Variants in QTMAN observed in about 807,000 individuals in gnomAD.
The protein encoded by QTMAN is tRNA-queuosine alpha-mannosyltransferase.
the QTMAN span, among the ~76,000 whole-genome samples, chr2:144,108,382 G>C: frequency 1.3e-5 from 2 of 152,200 alleles, no homozygotes; most frequent in South Asian, 4.1e-4. Flanking sequence ...GCTCATGCCT[G>C]TAATCCCAGC....
chr2:144,300,717 T>C, the QTMAN span, among the ~76,000 whole-genome samples: 3 of 152,086 alleles, frequency 2.0e-5, no homozygotes, highest in African/African-American at 4.8e-5. Flanking sequence ...CAAGGTAATA[T>C]GCCAAACACA....
the QTMAN span, among the ~76,000 whole-genome samples, chr2:143,964,540 T>G: frequency 6.6e-6 from 1 of 152,178 alleles, no homozygotes; most frequent in Non-Finnish European, 1.5e-5. Flanking sequence ...ATTTTACAAC[T>G]TTATATTAGT....
At chr2:144,234,339 A>C in the QTMAN span, among the ~76,000 whole-genome samples, 44 of 152,304 alleles carry the variant, frequency 2.9e-4, no homozygotes, top group Middle Eastern at 3.4e-3. Context: ...TACTATCTGA[A>C]TCTGGTGACT....
chr2:143,974,703 CTTTTT>C, the QTMAN span, among the ~76,000 whole-genome samples: 1 of 151,126 alleles, frequency 6.6e-6, no homozygotes, highest in African/African-American at 2.4e-5. Context: ...TTCTTTCTTT[CTTTTT>C]GTTTTTTTTT....
At chr2:144,259,891 T>C in the QTMAN span, among the ~76,000 whole-genome samples, 1 of 152,170 alleles carries the variant, frequency 6.6e-6, no homozygotes, top group Non-Finnish European at 1.5e-5. Context: ...TAGTAAGCAC[T>C]GAATGCTTTT....
At chr2:144,077,050 C>CAA in the QTMAN span, among the ~76,000 whole-genome samples, 3 of 134,078 alleles carry the variant, frequency 2.2e-5, no homozygotes, top group East Asian at 2.2e-4. Flanking sequence ...TTCAAAAAGC[C>CAA]AAAAAAAAAA....
At chr2:144,031,119 T>C in the QTMAN span, among the ~76,000 whole-genome samples, 5 of 152,164 alleles carry the variant, frequency 3.3e-5, no homozygotes, top group Admixed American at 2.6e-4. Flanking sequence ...AATTTGAAGA[T>C]ACTATTGATG....
the QTMAN span, among the ~76,000 whole-genome samples, chr2:144,120,528 T>G: frequency 2.0e-5 from 3 of 152,244 alleles, no homozygotes; most frequent in African/African-American, 7.2e-5. Context: ...ATGATGGACA[T>G]CTGCTTTTAA....
chr2:144,143,831 C>T, the QTMAN span, among the ~76,000 whole-genome samples: 3 of 151,882 alleles, frequency 2.0e-5, no homozygotes, highest in Non-Finnish European at 2.9e-5. Context: ...GTGCTTATGT[C>T]AGTCATCTTT....
At chr2:144,284,451 T>C in the QTMAN span, among the ~76,000 whole-genome samples, 1 of 152,016 alleles carries the variant, frequency 6.6e-6, no homozygotes, top group Non-Finnish European at 1.5e-5. Context: ...TTATACATTA[T>C]GATCTTGACC....
the QTMAN span, among the ~76,000 whole-genome samples, chr2:144,098,584 A>C: frequency 1.3e-5 from 2 of 151,856 alleles, no homozygotes; most frequent in African/African-American, 4.8e-5. Flanking sequence ...ATGTGGCGGC[A>C]TGCACCTGTA....
At chr2:144,101,367 T>G in the QTMAN span, among the ~76,000 whole-genome samples, 539 of 149,646 alleles carry the variant, frequency 3.6e-3, 1 homozygote, top group Non-Finnish European at 4.6e-3. Flanking sequence ...ATCCAACATA[T>G]TTATTCAAAT....
the QTMAN span, among the ~76,000 whole-genome samples, chr2:144,290,767 T>C: frequency 6.6e-6 from 1 of 152,216 alleles, no homozygotes; most frequent in Non-Finnish European, 1.5e-5. Context: ...CCTTCAATTC[T>C]TTCCTCATTT....
At chr2:144,006,434 T>A in the QTMAN span, 3 of 152,080 alleles carry the variant, frequency 2.0e-5, no homozygotes, top group African/African-American at 7.2e-5. Context: ...AAAGAGACCA[T>A]AATCTGTGGG....
At chr2:144,059,392 A>G in the QTMAN span, among the ~76,000 whole-genome samples, 1 of 152,188 alleles carries the variant, frequency 6.6e-6, no homozygotes, top group Non-Finnish European at 1.5e-5. Context: ...ATCATTAAGG[A>G]TAGGAAAAGG....
At chr2:143,941,758 C>T in the QTMAN span, 1 of 152,072 alleles carries the variant, frequency 6.6e-6, no homozygotes, top group East Asian at 1.9e-4. Context: ...CACAAAATAA[C>T]CACCTCCACT....
the QTMAN span, among the ~76,000 whole-genome samples, chr2:144,040,293 T>C: frequency 1.3e-5 from 2 of 152,158 alleles, no homozygotes; most frequent in East Asian, 1.9e-4. Flanking sequence ...CTCATGACTG[T>C]TGTTTTAAAG....
the QTMAN span, among the ~76,000 whole-genome samples, chr2:144,103,047 C>G: frequency 6.6e-6 from 1 of 152,134 alleles, no homozygotes; most frequent in Non-Finnish European, 1.5e-5. Context: ...GGAAGAAAAT[C>G]TGAAAACCAG....
chr2:144,271,978 G>A, the QTMAN span, among the ~76,000 whole-genome samples: 1 of 152,176 alleles, frequency 6.6e-6, no homozygotes, highest in South Asian at 2.1e-4. Context: ...CCACTTTGCT[G>A]ACATGTGTAT....
Sources: gnomAD v4.1 joint callset for allele counts (sites outside exome capture counted in the v4.1 genomes callset) on GRCh38, gnomAD v4.1.1 for gene constraint, MANE v1.5 for transcripts, NCBI Gene and HGNC (gene_info 2026-07-23, HGNC 2026-07-21) for gene names.